The following MS4A4E variants were observed in gnomAD, a reference collection of about 807,000 sequenced individuals.
The protein encoded by MS4A4E is putative membrane-spanning 4-domains subfamily A member 4E.
A neutral mutation model predicts 13.3 loss-of-function variants in MS4A4E; 23 were observed. That is an observed-to-expected ratio of 1.73 (90% CI 1.25 to 2.45). The LOEUF (loss-of-function observed/expected upper bound fraction) is 2.45. MS4A4E is among the 30% of genes most tolerant of loss of function. The pLI is 0.00. For synonymous variants in MS4A4E, 36 were observed against 45.6 expected (o/e 0.79, Z 0.85); for missense variants, 144 against 131.2 (o/e 1.10, Z -0.48).
intron 5 of MS4A4E, chr11:60,208,931 G>T: frequency 4.2e-6 from 1 of 238,500 alleles, no homozygotes. Flanking sequence ...CAGTGCTATT[G>T]TGGGCATGGA....
At chr11:60,241,284 A>C (rs969787062) in intron 1 of MS4A4E, among the ~76,000 whole-genome samples, 1 of 152,222 alleles carries the variant, frequency 6.6e-6, no homozygotes, top group African/African-American at 2.4e-5. Context: ...TGGGCCTCCC[A>C]AAGTGCTGGA....
intron 8 of MS4A4E, among the ~76,000 whole-genome samples, chr11:60,202,659 T>C (rs1264423197): frequency 6.6e-6 from 1 of 152,210 alleles, no homozygotes; most frequent in African/African-American, 2.4e-5. Context: ...TTGATTTATA[T>C]CATATGCATG....
rs767465758 is a variant in MS4A4E, at chr11:60,225,064, G to T, written c.178+3530C>A. The T allele has an allele frequency of 2.4e-5, 38 of 1,560,180 alleles. 1 individual carries two copies. In the South Asian group the frequency reaches 4.4e-4, roughly 18 times the overall value. On this transcript the variant is annotated intron_variant, in intron 3 of 8. Transcript: ENST00000651255. ...ACATCATTATTATTCCCATGCTAAGGCTCATCAAGGCAATCAGAATCCGCA... is the reference window on the plus strand; with the variant it reads ...ACATCATTATTATTCCCATGCTAAGTCTCATCAAGGCAATCAGAATCCGCA...
At chr11:60,213,627 C>A (rs1359148990) in intron 4 of MS4A4E, among the ~76,000 whole-genome samples, 1 of 152,086 alleles carries the variant, frequency 6.6e-6, no homozygotes, top group Non-Finnish European at 1.5e-5. Context: ...GGCTGCAGGT[C>A]CCGGCAGACA....
chr11:60,228,484 T>C (rs2084369774), intron 3 of MS4A4E, 110 bp downstream of exon 3: 1 of 572,996 alleles, frequency 1.7e-6, no homozygotes, highest in Non-Finnish European at 3.1e-6. Context: ...GGAACTCTCC[T>C]TCATTGTTGA....
At chr11:60,206,255 A>G (rs369482019) in intron 6 of MS4A4E, among the ~76,000 whole-genome samples, 3 of 152,018 alleles carry the variant, frequency 2.0e-5, no homozygotes, top group East Asian at 3.9e-4. Context: ...CGTTTTAGCA[A>G]TACCTTTTTG....
At chr11:60,224,150 G>T (rs1211637306) in intron 3 of MS4A4E, among the ~76,000 whole-genome samples, 1 of 151,924 alleles carries the variant, frequency 6.6e-6, no homozygotes, top group African/African-American at 2.4e-5. Flanking sequence ...GGTAAGACTT[G>T]GTATTTTATT....
Position 60,243,064 on chromosome 11 carries a change from A to G in MS4A4E, c.-123T>C. On this transcript the variant is annotated 5_prime_UTR_variant, in exon 1 of 9. Transcript: ENST00000651255. ...ACACAGTCAGCTTCCCCCACTCCAC[A>G]CCTCACTCAGTTTAAATCTGCACTC... 1 of 1,005,206 alleles carries G rather than the reference A, an allele frequency of 9.9e-7. No homozygotes were observed. The highest frequency in any genetic ancestry group is 1.5e-6 in the Non-Finnish European group (1 of 679,716). The allele number at this position is 1,005,206 out of a possible 1,614,324, so 62.3% of individuals were successfully genotyped here. A position where few individuals can be genotyped will look rare whatever the true frequency, so the allele number is the denominator to read the frequency against.
chr11:60,222,633 T>C (rs1477981323), intron 3 of MS4A4E, among the ~76,000 whole-genome samples: 2 of 152,196 alleles, frequency 1.3e-5, no homozygotes, highest in African/African-American at 4.8e-5. Flanking sequence ...CCTAGTGACC[T>C]ACCAGCAAAA....
chr11:60,224,875 C>T lies in MS4A4E; in HGVS notation c.178+3719G>A, dbSNP rs555935302. 2.9e-5 allele frequency: 33 copies of T among 1,139,982 alleles called. No homozygotes were observed. In the South Asian group the frequency reaches 9.6e-4, roughly 33 times the overall value. The allele number at this position is 1,139,982 out of a possible 1,614,324, so 70.6% of individuals were successfully genotyped here. A position where few individuals can be genotyped will look rare whatever the true frequency, so the allele number is the denominator to read the frequency against. The stretch of plus-strand genomic sequence containing the variant: ...TACCATTCTCAAATTTACAGAATTA[C>T]AAGATAGAATTAGAATAAAATTGCA... On this transcript the variant is annotated intron_variant, in intron 3 of 8. Transcript: ENST00000651255.
In MS4A4E at chr11:60,201,183, G is replaced by A. The variant is rs1387570561; in HGVS notation, c.*360C>T. 2.0e-5 allele frequency: 3 copies of A among 151,712 alleles called. No individual in the cohort carries two copies. The highest frequency in any genetic ancestry group is 2.9e-5 in the Non-Finnish European group (2 of 68,930). 9.4% of individuals were successfully genotyped at this position (151,712 alleles called of 1,614,324 possible). A position where few individuals can be genotyped will look rare whatever the true frequency, so the allele number is the denominator to read the frequency against. On this transcript the variant is annotated 3_prime_UTR_variant, in exon 9 of 9. Coordinates refer to ENST00000651255, the MANE Select transcript of MS4A4E (RefSeq NM_001393391.1). ...AGAGGGGCTCCTCACTTCCCAGTAG[G>A]GGCGGCTGGGCAGAGGCGCCCCTCA...
At chr11:60,240,440 C>A (rs561536327) in intron 1 of MS4A4E, among the ~76,000 whole-genome samples, 1 of 152,048 alleles carries the variant, frequency 6.6e-6, no homozygotes, top group Non-Finnish European at 1.5e-5. Flanking sequence ...GGATGTTCAA[C>A]CCACCCCTGA....
chr11:60,229,512 T>A (rs1565126809), intron 2 of MS4A4E, among the ~76,000 whole-genome samples: 1 of 152,108 alleles, frequency 6.6e-6, no homozygotes, highest in African/African-American at 2.4e-5. Context: ...AGATTTTTCA[T>A]CCTCTGAGCA....
chr11:60,238,240 T>TA (rs1336147042), intron 1 of MS4A4E, among the ~76,000 whole-genome samples: 2 of 151,942 alleles, frequency 1.3e-5, no homozygotes, highest in African/African-American at 2.4e-5. Flanking sequence ...GATGGAAGGG[T>TA]ATTAATTCTT....
At chr11:60,227,980 A>G (rs899272565) in intron 3 of MS4A4E, among the ~76,000 whole-genome samples, 2 of 152,212 alleles carry the variant, frequency 1.3e-5, no homozygotes, top group Non-Finnish European at 2.9e-5. Context: ...GTTGAACTCA[A>G]AACTCTGAAA....
chr11:60,223,651 T>C (rs1488817919), intron 3 of MS4A4E, among the ~76,000 whole-genome samples: 2 of 152,136 alleles, frequency 1.3e-5, no homozygotes, highest in African/African-American at 4.8e-5. Flanking sequence ...GAGAGCACAA[T>C]CTACTCAGCT....
chr11:60,225,198 G>C, intron 3 of MS4A4E: 6 of 1,078,442 alleles, frequency 5.6e-6, no homozygotes, highest in Non-Finnish European at 7.5e-6. Flanking sequence ...ATTTGATATA[G>C]TCATATGACC....
chr11:60,206,489 G>GTA (rs373196401), intron 6 of MS4A4E, among the ~76,000 whole-genome samples: 4,145 of 95,926 alleles, frequency 0.043, 446 homozygotes, highest in African/African-American at 0.13. Flanking sequence ...ATATATATAT[G>GTA]TATATATATA....
intron 3 of MS4A4E, chr11:60,224,891 T>A: frequency 8.1e-7 from 1 of 1,239,012 alleles, no homozygotes. Flanking sequence ...AGAATTAGAA[T>A]AAAATTGCAA....
Sources: allele counts gnomAD v4.1 joint callset (sites outside exome capture counted in the v4.1 genomes callset), GRCh38; gene constraint gnomAD v4.1.1; transcripts MANE v1.5; gene names NCBI Gene and HGNC (gene_info 2026-07-23, HGNC 2026-07-21).